The following RYR3 variants were observed in gnomAD, a reference collection of about 807,000 sequenced individuals.
RYR3 encodes brain ryanodine receptor-calcium release channel.
In RYR3, 207 loss-of-function variants were observed where a neutral mutation model predicts 584.3. That is an observed-to-expected ratio of 0.35 (90% confidence interval 0.32 to 0.40). The LOEUF is 0.40. Among genes scored for constraint, RYR3 ranks in the 10% least tolerant of loss-of-function variants. RYR3 has a pLI of 1.00. For synonymous variants in RYR3, 2,416 were observed against 2,248.5 expected, an observed-to-expected ratio of 1.07 and a Z score of -2.11; for missense variants, 5,616 against 6,089.2, an observed-to-expected ratio of 0.92 and a Z score of 2.59.
At chr15:33,642,158 T>C (rs77656659) in intron 27 of RYR3, among the ~76,000 whole-genome samples, 1,879 of 152,310 alleles carry the variant, frequency 0.012, 56 homozygotes, top group African/African-American at 0.042. Context: ...TATTACCTTT[T>C]CCCCCTTACA....
chr15:33,346,293 A>C lies in RYR3; in HGVS notation c.51+35197A>C, dbSNP rs140803009. Among the ~76,000 whole-genome samples the C allele has an allele frequency of 2.0e-5, 3 of 152,356 alleles. No individual in the cohort carries two copies. In the East Asian group the frequency reaches 5.8e-4, roughly 29 times the overall value. On this transcript the variant is annotated intron_variant, in intron 1 of 103. Coordinates refer to ENST00000634891, the MANE Select transcript of RYR3 (RefSeq NM_001036.6). ...AATGTATTGAACGAAAATAGATTGT[A>C]ATTTCTCTAAAGAGAACACTGTGAC...
rs117167882 is a variant in RYR3 at position 33,719,060 on chromosome 15, C to T, written c.6620-3655C>T. Among the ~76,000 whole-genome samples, 766 of 152,310 alleles carry T rather than the reference C, an allele frequency of 5.0e-3. 6 individuals carry two copies. Among genetic ancestry groups the T allele is most frequent in the Non-Finnish European group, 7.4e-3 (503 of 68,032 alleles). On this transcript the variant is annotated intron_variant, in intron 43 of 103. Coordinates refer to ENST00000634891, the MANE Select transcript of RYR3 (RefSeq NM_001036.6). Reference sequence around the variant, plus strand: ...ACAGGTAATTAGGAAGAGACTGTCTCTCCCTCCTAATCATGCCATCCTCTT... The same window carrying T: ...ACAGGTAATTAGGAAGAGACTGTCTTTCCCTCCTAATCATGCCATCCTCTT...
intron 1 of RYR3, among the ~76,000 whole-genome samples, chr15:33,448,793 G>T (rs1337476668): frequency 1.3e-5 from 2 of 152,070 alleles, no homozygotes; most frequent in African/African-American, 4.8e-5. Context: ...CTGACAGGTG[G>T]CAGGACCTTT....
chr15:33,799,926 T>TG (rs2075831316), intron 67 of RYR3, among the ~76,000 whole-genome samples: 1 of 99,098 alleles, frequency 1.0e-5, no homozygotes, highest in Non-Finnish European at 2.0e-5. Context: ...AGAGAAACAG[T>TG]GGGGGTTTTT....
At chr15:33,511,905 A>G (rs1440937371) in intron 3 of RYR3, among the ~76,000 whole-genome samples, 1 of 151,952 alleles carries the variant, frequency 6.6e-6, no homozygotes, top group African/African-American at 2.4e-5. Flanking sequence ...CAGCCTCCCG[A>G]GTAGCTGGGA....
intron 19 of RYR3, 84 bp downstream of exon 19, chr15:33,613,459 C>T (rs2060297030): frequency 1.5e-6 from 2 of 1,323,162 alleles, no homozygotes; most frequent in African/African-American, 2.9e-5. Context: ...CAGCAGTCTC[C>T]TTCAGGGCTT....
chr15:33,402,649 A>T (rs545419737), intron 1 of RYR3, among the ~76,000 whole-genome samples: 2 of 152,242 alleles, frequency 1.3e-5, no homozygotes, highest in Non-Finnish European at 2.9e-5. Context: ...ACATTTAAGC[A>T]CCAGCTTTGA....
chr15:33,648,567 G>A (rs937303), intron 30 of RYR3, among the ~76,000 whole-genome samples: 103,078 of 152,124 alleles, frequency 0.68, 35,063 homozygotes, highest in Non-Finnish European at 0.7. Context: ...ACTTTTTCTT[G>A]AGCAACCTCT....
At chr15:33,747,122 C>A (rs1180631645) in intron 53 of RYR3, among the ~76,000 whole-genome samples, 2 of 151,922 alleles carry the variant, frequency 1.3e-5, no homozygotes, top group Admixed American at 6.6e-5. Flanking sequence ...AAAATGATTT[C>A]TAATACATGG....
chr15:33,489,863 GTTGT>G (rs2050819400), intron 2 of RYR3, among the ~76,000 whole-genome samples: 1 of 152,142 alleles, frequency 6.6e-6, no homozygotes, highest in Non-Finnish European at 1.5e-5. Context: ...ACCAGCATCT[GTTGT>G]TTTTTAACTT....
At chr15:33,625,177 T>C (rs1738694119) in intron 20 of RYR3, among the ~76,000 whole-genome samples, 3 of 152,022 alleles carry the variant, frequency 2.0e-5, no homozygotes, top group African/African-American at 4.8e-5. Flanking sequence ...AGAGAGCGAA[T>C]GGGAAGTGCC....
At chr15:33,536,499 G>A (rs539451294) in intron 5 of RYR3, among the ~76,000 whole-genome samples, 10 of 152,246 alleles carry the variant, frequency 6.6e-5, no homozygotes, top group African/African-American at 2.2e-4. Context: ...GTATTTTACG[G>A]CTTTGGACTG....
rs186305147 is a variant in RYR3, at chr15:33,442,025, G to C, written c.52-31394G>C. Reference sequence around the variant, plus strand: ...GTTTCATTTTGTCTACTGCTCAGCTGGGTTATAGTCCGTTACCTATAAGAT... The same window carrying C: ...GTTTCATTTTGTCTACTGCTCAGCTCGGTTATAGTCCGTTACCTATAAGAT... On this transcript the variant is annotated intron_variant, in intron 1 of 103. Coordinates refer to ENST00000634891, the MANE Select transcript of RYR3 (RefSeq NM_001036.6). Among the ~76,000 whole-genome samples, 70 of 152,272 alleles carry C rather than the reference G, an allele frequency of 4.6e-4. No homozygotes were observed. In the East Asian group the frequency reaches 6.0e-3, roughly 13 times the overall value.
At chr15:33,836,340 C>A (rs925244863) in intron 87 of RYR3, among the ~76,000 whole-genome samples, 2 of 151,968 alleles carry the variant, frequency 1.3e-5, no homozygotes, top group Non-Finnish European at 2.9e-5. Context: ...CGATGCTCTT[C>A]CTGCATTGCT....
chr15:33,610,706 A>G (rs754719404), intron 18 of RYR3, among the ~76,000 whole-genome samples: 5 of 152,212 alleles, frequency 3.3e-5, no homozygotes, highest in Non-Finnish European at 7.3e-5. Context: ...TTCAGGTTTT[A>G]GATTTTTTGG....
At chr15:33,829,915 TTAGTAG>T (rs775073844) in intron 85 of RYR3, among the ~76,000 whole-genome samples, 7 of 152,186 alleles carry the variant, frequency 4.6e-5, no homozygotes, top group Non-Finnish European at 7.4e-5. Flanking sequence ...AGAACTAGAA[TTAGTAG>T]TGGAGCCTGA....
At chr15:33,610,385 T>G (rs2060120900) in intron 18 of RYR3, among the ~76,000 whole-genome samples, 1 of 152,172 alleles carries the variant, frequency 6.6e-6, no homozygotes, top group Admixed American at 6.5e-5. Flanking sequence ...ATCGTATTAT[T>G]TTGTATTTAA....
intron 67 of RYR3, among the ~76,000 whole-genome samples, chr15:33,794,039 A>AATAAATATTATATATAATAT (rs2075345783): frequency 3.0e-5 from 1 of 33,286 alleles, no homozygotes; most frequent in East Asian, 0.013. Context: ...TATATACATA[A>AATAAATATTATATATAATAT]ATACATATAT....
intron 1 of RYR3, among the ~76,000 whole-genome samples, chr15:33,342,732 T>G (rs1032603989): frequency 1.5e-4 from 23 of 152,170 alleles, no homozygotes; most frequent in African/African-American, 5.6e-4. Flanking sequence ...TGAGTTCTGG[T>G]CCCCACTGCT....
Sources: allele counts gnomAD v4.1 joint callset (sites outside exome capture counted in the v4.1 genomes callset), GRCh38; gene constraint gnomAD v4.1.1; transcripts MANE v1.5; gene names NCBI Gene and HGNC (gene_info 2026-07-23, HGNC 2026-07-21).